Variants in C2CD5 observed in about 807,000 individuals in gnomAD.
C2CD5 encodes C2 calcium dependent domain containing 5, also known as C2 domain-containing protein 5.
C2CD5 carries 109 observed loss-of-function variants against 130.3 expected under a neutral mutation model. The ratio of observed to expected loss-of-function variants is 0.84; its 90% confidence interval spans 0.72 to 0.98. The LOEUF (loss-of-function observed/expected upper bound fraction) is 0.98, where lower values mean the gene tolerates loss of function less well. C2CD5 is among the 50% of genes least tolerant of loss of function. The pLI, the probability that C2CD5 is intolerant of heterozygous loss-of-function variation, is 0.00. For synonymous variants in C2CD5, 454 were observed against 429.2 expected (o/e 1.06, Z -0.71); for missense variants, 996 against 1,261.8 (o/e 0.79, Z 3.19).
chr12:22,470,666 C>T (rs1001764578), intron 21 of C2CD5, among the ~76,000 whole-genome samples, 158 bp downstream of exon 21: 1 of 152,070 alleles, frequency 6.6e-6, no homozygotes, highest in African/African-American at 2.4e-5. Flanking sequence ...CAGCCATACG[C>T]TTATCCACAC....
intron 9 of C2CD5, among the ~76,000 whole-genome samples, chr12:22,511,563 A>G (rs370405636): frequency 6.6e-6 from 1 of 152,356 alleles, no homozygotes; most frequent in East Asian, 1.9e-4. Context: ...ATAGTTCTCT[A>G]CACCTTTACT....
At chr12:22,468,675 G>A (rs1037323070) in intron 22 of C2CD5, among the ~76,000 whole-genome samples, 3 of 151,930 alleles carry the variant, frequency 2.0e-5, no homozygotes, top group African/African-American at 7.3e-5. Context: ...TCAGAATTTT[G>A]GGTGATCACA....
At chr12:22,544,222 G>A in intron 1 of C2CD5, 43 bp from the exon 2 acceptor site, 2 of 1,501,230 alleles carry the variant, frequency 1.3e-6, no homozygotes, top group Non-Finnish European at 1.8e-6. Context: ...CGCGGGGCCG[G>A]CGGGAGAGGG....
At chr12:22,508,934 T>G (rs897862933) in intron 9 of C2CD5, among the ~76,000 whole-genome samples, 1 of 151,344 alleles carries the variant, frequency 6.6e-6, no homozygotes, top group Non-Finnish European at 1.5e-5. Context: ...CGGACTGCAG[T>G]GGCGCAATCT....
rs1938103646 is a variant in C2CD5, at chr12:22,449,739, G to A, written c.*21C>T. On this transcript the variant is annotated 3_prime_UTR_variant, in exon 27 of 27. Transcript: ENST00000446597. ...AGATTGATGAATTTCATTTAGTTGA[G>A]CTCTTTTTTCCTAATTTTCCTCAGG... 6.4e-7 allele frequency: 1 copy of A among 1,551,658 alleles called. No homozygotes were observed. The highest frequency in any genetic ancestry group is 1.2e-5 in the South Asian group (1 of 83,490).
At chr12:22,452,121 C>G (rs1330924335) in intron 26 of C2CD5, among the ~76,000 whole-genome samples, 1 of 152,110 alleles carries the variant, frequency 6.6e-6, no homozygotes, top group African/African-American at 2.4e-5. Flanking sequence ...CTACAAATCT[C>G]AATCTCAAAT....
At chr12:22,512,947 A>G (rs1949349932) in intron 9 of C2CD5, among the ~76,000 whole-genome samples, 1 of 152,064 alleles carries the variant, frequency 6.6e-6, no homozygotes, top group Non-Finnish European at 1.5e-5. Context: ...TATTTTTAAT[A>G]TAATAAAATG....
At chr12:22,490,862 G>A (rs1469949491) in intron 11 of C2CD5, among the ~76,000 whole-genome samples, 1 of 151,992 alleles carries the variant, frequency 6.6e-6, no homozygotes, top group Non-Finnish European at 1.5e-5. Flanking sequence ...AAACAAATGA[G>A]AAAAGTAGCA....
At chr12:22,474,920 T>G in intron 15 of C2CD5, 29 bp from the exon 16 acceptor site, 1 of 1,475,196 alleles carries the variant, frequency 6.8e-7, no homozygotes, top group Non-Finnish European at 9.2e-7. Context: ...TTTTATATCA[T>G]ATGAGATTGT....
chr12:22,521,994 A>C (rs991697844), intron 7 of C2CD5, among the ~76,000 whole-genome samples: 4 of 152,226 alleles, frequency 2.6e-5, no homozygotes, highest in Non-Finnish European at 5.9e-5. Flanking sequence ...TATCTAGGAC[A>C]GGAGTCCACA....
chr12:22,531,285 T>C lies in C2CD5; in HGVS notation c.178-3393A>G, dbSNP rs182336947. ...CAGCTAAAAGAAAAATTTGTACATA[T>C]ACACAAAAGAAAATGAGAAGAGAAT... On this transcript the variant is annotated intron_variant, in intron 3 of 26. Coordinates refer to ENST00000446597, the MANE Select transcript of C2CD5 (RefSeq NM_001286176.2). Among the ~76,000 whole-genome samples, 20 of 152,228 alleles carry C rather than the reference T, an allele frequency of 1.3e-4. 1 individual carries two copies. Among genetic ancestry groups the C allele is most frequent in the Non-Finnish European group, 2.4e-4 (16 of 68,026 alleles).
rs1168931170 is a variant in C2CD5 at position 22,499,781 on chromosome 12, C to T, written c.1148-6444G>A. ...GCTTCCTAGCAGCAACACTCACCTG[C>T]CTGGCATTTCTCAAAGTCTGTTACC... On this transcript the variant is annotated intron_variant, in intron 10 of 26. Coordinates refer to ENST00000446597, the MANE Select transcript of C2CD5 (RefSeq NM_001286176.2). Among the ~76,000 whole-genome samples the T allele has an allele frequency of 4.6e-5, 7 of 152,192 alleles. No homozygotes were observed. The East Asian group carries it at 1.3e-3, about 29-fold the overall frequency.
chr12:22,518,167 T>C (rs749510421), intron 7 of C2CD5, 30 bp from the exon 8 acceptor site: 9 of 1,609,396 alleles, frequency 5.6e-6, no homozygotes, highest in South Asian at 5.5e-5. Context: ...AAATATTAAG[T>C]AATCATGTGC....
Position 22,544,350 on chromosome 12 carries a change from G to C in C2CD5, c.-60C>G. 4 of 483,730 alleles carry C rather than the reference G, an allele frequency of 8.3e-6. No individual in the cohort carries two copies. The South Asian group carries it at 1.1e-4, about 14-fold the overall frequency. 30.0% of individuals were successfully genotyped at this position (483,730 alleles called of 1,614,324 possible). On this transcript the variant is annotated 5_prime_UTR_variant, in exon 1 of 27. Transcript: ENST00000446597. Reference sequence around the variant, plus strand: ...CAGGAGGAAGGGTGCTGTCCCGCGCGGGTGCTGAGACCTCATTCCGGAGAG... The same window carrying C: ...CAGGAGGAAGGGTGCTGTCCCGCGCCGGTGCTGAGACCTCATTCCGGAGAG...
intron 9 of C2CD5, among the ~76,000 whole-genome samples, chr12:22,509,525 A>T (rs1402317243): frequency 6.6e-6 from 1 of 152,084 alleles, no homozygotes; most frequent in Admixed American, 6.5e-5. Flanking sequence ...ACACCAATTC[A>T]CTCTAAAACA....
Position 22,523,469 on chromosome 12 carries a change from C to T in C2CD5, c.757G>A (p.Ala253Thr). 6.2e-7 allele frequency: 1 copy of T among 1,614,028 alleles called. No homozygotes were observed. The highest frequency in any genetic ancestry group is 1.1e-5 in the South Asian group (1 of 91,080). ...GGGGAATTACATGCAGGAAGGAATG[C>T]TGCTGGGCTACTTAATTTATCCAGA... ...CTLDKLSSPAAFLPACNSPSK... is the reference protein window; with the variant it reads ...CTLDKLSSPATFLPACNSPSK... The change falls in exon 7 of 27, where the codon GCA (alanine) becomes ACA (threonine). Residue 253 changes from alanine (A) to threonine (T), a missense_variant. Around this residue, in one of 9 missense-constraint regions of C2CD5, gnomAD observed 156 missense variants for 165.9 expected, o/e 0.94. Coordinates refer to ENST00000446597, the MANE Select transcript of C2CD5 (RefSeq NM_001286176.2).
intron 22 of C2CD5, among the ~76,000 whole-genome samples, chr12:22,466,370 T>G (rs1185646052): frequency 6.6e-6 from 1 of 152,040 alleles, no homozygotes; most frequent in East Asian, 1.9e-4. Context: ...CTTTTATTTA[T>G]CAGTATTAGT....
chr12:22,475,294 T>C (rs1180535837), intron 15 of C2CD5, among the ~76,000 whole-genome samples: 1 of 152,188 alleles, frequency 6.6e-6, no homozygotes, highest in African/African-American at 2.4e-5. Context: ...TTCTAATCTT[T>C]TATATATTTT....
intron 16 of C2CD5, among the ~76,000 whole-genome samples, chr12:22,474,539 A>T (rs1943548025): frequency 6.6e-6 from 1 of 152,188 alleles, no homozygotes; most frequent in African/African-American, 2.4e-5. Context: ...CTTTTTCAGA[A>T]CCATCTGCAT....
Sources: gnomAD v4.1 joint callset for allele counts (sites outside exome capture counted in the v4.1 genomes callset) on GRCh38, gnomAD v4.1.1 for gene constraint, gnomAD v4.1.1 regional missense constraint, MANE v1.5 for transcripts, NCBI Gene and HGNC (gene_info 2026-07-23, HGNC 2026-07-21) for gene names.